RPN2: variants seen among roughly 807,000 people sequenced by gnomAD.
The protein encoded by RPN2 is ribophorin II.
In RPN2, 29 loss-of-function variants were observed where a neutral mutation model predicts 71.4. The observed-to-expected ratio is 0.41, with a 90% CI of 0.30 to 0.55. RPN2 has a LOEUF of 0.55. Ranked by LOEUF, RPN2 falls within the 20% of genes least tolerant of loss-of-function variation. The pLI is 0.35. For missense variants in RPN2, 726 were observed against 774.1 expected (o/e 0.94, Z 0.74); for synonymous variants, 308 against 305.0 (o/e 1.01, Z -0.10).
At chr20:37,222,190 G>A (rs2067975097) in intron 9 of RPN2, among the ~76,000 whole-genome samples, 1 of 152,186 alleles carries the variant, frequency 6.6e-6, no homozygotes, top group South Asian at 2.1e-4. Context: ...AAGAGCCAAA[G>A]TGAGGCTCCT....
At chr20:37,230,531 A>G (rs1459942078) in intron 13 of RPN2, among the ~76,000 whole-genome samples, 1 of 152,218 alleles carries the variant, frequency 6.6e-6, no homozygotes, top group Non-Finnish European at 1.5e-5. Flanking sequence ...TTGATAACAG[A>G]TGAGTGAAGA....
At chr20:37,213,924 T>A (rs989991207) in intron 9 of RPN2, 59 bp downstream of exon 9, 2 of 1,210,668 alleles carry the variant, frequency 1.7e-6, no homozygotes, top group Non-Finnish European at 2.5e-6. Flanking sequence ...TATGGCCAAA[T>A]TGACACAGTA....
In RPN2 at chr20:37,236,792, G is replaced by A. The variant is rs908402018; in HGVS notation, c.1883+83G>A. The A allele has an allele frequency of 8.4e-6, 12 of 1,428,964 alleles. No individual in the cohort carries two copies. The Admixed American group carries it at 1.9e-4, about 22-fold the overall frequency. The allele number at this position is 1,428,964 out of a possible 1,614,324, so 88.5% of individuals were successfully genotyped here. A position where few individuals can be genotyped will look rare whatever the true frequency, so the allele number is the denominator to read the frequency against. ...GGCCTAGCTCTTTGAAGGGTAGGTGGCAAAATGATTTGTGTTCTTAGGGGC... is the reference window on the plus strand; with the variant it reads ...GGCCTAGCTCTTTGAAGGGTAGGTGACAAAATGATTTGTGTTCTTAGGGGC... On this transcript the variant is annotated intron_variant, in intron 16 of 16. Transcript: ENST00000237530.
intron 16 of RPN2, among the ~76,000 whole-genome samples, chr20:37,239,463 C>T (rs1279209326): frequency 6.6e-6 from 1 of 152,206 alleles, no homozygotes; most frequent in African/African-American, 2.4e-5. Flanking sequence ...CATCTAATTT[C>T]TAATCCTCTG....
At chr20:37,228,383 A>G (rs977070116) in intron 11 of RPN2, among the ~76,000 whole-genome samples, 167 bp from the exon 12 acceptor site, 1 of 152,204 alleles carries the variant, frequency 6.6e-6, no homozygotes, top group Non-Finnish European at 1.5e-5. Flanking sequence ...GCTGGGAACT[A>G]GGGTGGCATG....
chr20:37,240,533 G>A (rs1426097594), intron 16 of RPN2, among the ~76,000 whole-genome samples: 1 of 152,078 alleles, frequency 6.6e-6, no homozygotes, highest in East Asian at 1.9e-4. Context: ...CTGAAGGATG[G>A]TGTGTGTGTG....
At chr20:37,191,586 T>C (rs1231459323) in intron 2 of RPN2, among the ~76,000 whole-genome samples, 1 of 147,542 alleles carries the variant, frequency 6.8e-6, no homozygotes, top group Non-Finnish European at 1.5e-5. Flanking sequence ...GCTAATACAG[T>C]GAAACCCCGT....
chr20:37,212,302 G>T (rs190494638), intron 8 of RPN2, among the ~76,000 whole-genome samples: 13 of 151,892 alleles, frequency 8.6e-5, no homozygotes, highest in South Asian at 6.2e-4. Context: ...AAAAACTAAG[G>T]GTCAAGCTGG....
rs530180337 is a variant in RPN2 at position 37,184,041 on chromosome 20, C to T, written c.14-139C>T. 2.3e-5 allele frequency: 22 copies of T among 966,276 alleles called. No homozygotes were observed. The African/African-American group carries it at 2.9e-4, about 13-fold the overall frequency. The allele number at this position is 966,276 out of a possible 1,614,324, so 59.9% of individuals were successfully genotyped here. On this transcript the variant is annotated intron_variant, in intron 1 of 16. Coordinates refer to ENST00000237530, the MANE Select transcript of RPN2 (RefSeq NM_002951.5). The stretch of plus-strand genomic sequence containing the variant: ...CAGGCTCCCTGCCTTCCCAAGGCTT[C>T]TCCTCAGGTTAAACCCCTGGATTCC...
chr20:37,230,144 G>A, intron 13 of RPN2, 85 bp downstream of exon 13: 1 of 1,023,028 alleles, frequency 9.8e-7, no homozygotes, highest in Non-Finnish European at 1.6e-6. Context: ...CCTTTAACTT[G>A]TTTTGTGATG....
intron 9 of RPN2, among the ~76,000 whole-genome samples, chr20:37,216,680 T>TC (rs2067813398): frequency 6.6e-6 from 1 of 152,086 alleles, no homozygotes. Context: ...CAGGCTGGTC[T>TC]CCAACTTTTG....
At chr20:37,200,475 C>T (rs201366903) in intron 4 of RPN2, 37 of 532,904 alleles carry the variant, frequency 6.9e-5, no homozygotes, top group Middle Eastern at 3.2e-4. Context: ...TCTGGAATCC[C>T]GTTCGTTGTT....
chr20:37,197,093 C>A (rs2067272359), intron 2 of RPN2, among the ~76,000 whole-genome samples: 1 of 152,084 alleles, frequency 6.6e-6, no homozygotes, highest in African/African-American at 2.4e-5. Flanking sequence ...TCAAACACGT[C>A]AAATGGCGAG....
At chr20:37,205,703 T>C (rs2067496532) in intron 6 of RPN2, among the ~76,000 whole-genome samples, 1 of 152,206 alleles carries the variant, frequency 6.6e-6, no homozygotes, top group Non-Finnish European at 1.5e-5. Context: ...AAGTTATTCA[T>C]GTGTTTGCAT....
intron 9 of RPN2, among the ~76,000 whole-genome samples, chr20:37,221,557 T>G (rs2067959108): frequency 6.6e-6 from 1 of 152,192 alleles, no homozygotes; most frequent in Admixed American, 6.5e-5. Context: ...CTTTCTTTAT[T>G]TAGCTAGTCT....
intron 14 of RPN2, 24 bp from the exon 15 acceptor site, chr20:37,233,996 A>G: frequency 6.2e-7 from 1 of 1,613,440 alleles, no homozygotes; most frequent in South Asian, 1.1e-5. Context: ...ATGCCTTTTT[A>G]ATTTATTTCT....
Position 37,228,611 on chromosome 20 carries a change from A to G in RPN2, c.1361A>G (p.Asp454Gly). The G allele has an allele frequency of 6.2e-7, 1 of 1,614,246 alleles. No individual in the cohort carries two copies. The highest frequency in any genetic ancestry group is 8.5e-7 in the Non-Finnish European group (1 of 1,180,026). ...GAAGTGGTGTTTGTTGCCGAGCCAG[A>G]CAACAAGAACGTGTACAAGTTTGAA... Reference protein sequence around the residue: ...GQEVVFVAEPDNKNVYKFELD... With the variant: ...GQEVVFVAEPGNKNVYKFELD... Residue 454 changes from aspartate (D) to glycine (G), a missense_variant, in exon 12 of 17, where the codon GAC becomes GGC. Transcript: ENST00000237530.
chr20:37,218,550 AAAAAAAC>A (rs1285566305), intron 9 of RPN2, among the ~76,000 whole-genome samples: 2 of 151,194 alleles, frequency 1.3e-5, no homozygotes, highest in African/African-American at 4.9e-5. Flanking sequence ...TCTGCTAAAA[AAAAAAAC>A]AAAAAAAACA....
At position 37,225,722 on chromosome 20, in the gene RPN2, A is replaced by G; in HGVS notation, c.1219A>G (p.Ile407Val). 6.2e-7 allele frequency: 1 copy of G among 1,614,184 alleles called. No individual in the cohort carries two copies. Among genetic ancestry groups the G allele is most frequent in the Non-Finnish European group, 8.5e-7 (1 of 1,180,018 alleles). ...CCCAGCCAAAGCCAAGGGCACATTCATCGCAGACAGCCACCAGAACTTCGC... is the reference window on the plus strand; with the variant it reads ...CCCAGCCAAAGCCAAGGGCACATTCGTCGCAGACAGCCACCAGAACTTCGC... ...TYPAKAKGTFIADSHQNFALF... is the reference protein window; with the variant it reads ...TYPAKAKGTFVADSHQNFALF... The change falls in exon 11 of 17, where the codon ATC (isoleucine) becomes GTC (valine). Residue 407 changes from isoleucine (I) to valine (V), a missense_variant. Ile to Val is a conservative substitution (Grantham distance 29, BLOSUM62 3). Coordinates refer to ENST00000237530, the MANE Select transcript of RPN2 (RefSeq NM_002951.5).
Sources: allele counts gnomAD v4.1 joint callset (sites outside exome capture counted in the v4.1 genomes callset), GRCh38; gene constraint gnomAD v4.1.1; transcripts MANE v1.5; gene names NCBI Gene and HGNC (gene_info 2026-07-23, HGNC 2026-07-21).